The following PRDX1 variants were observed in gnomAD, a reference collection of about 807,000 sequenced individuals.
The protein encoded by PRDX1 is peroxiredoxin 1.
In PRDX1, 19 loss-of-function variants were observed where a neutral mutation model predicts 20.7. The ratio of observed to expected loss-of-function variants is 0.92; its 90% CI spans 0.64 to 1.35. The LOEUF is 1.35. Ranked by LOEUF, PRDX1 falls within the 40% of genes most tolerant of loss-of-function variation. PRDX1 has a pLI of 0.00. For missense variants in PRDX1, 226 were observed against 240.0 expected (o/e 0.94, Z 0.38); for synonymous variants, 89 against 83.9 (o/e 1.06, Z -0.33).
chr1:45,522,417 A>G (rs1643922709), upstream of PRDX1, among the ~76,000 whole-genome samples: 1 of 152,206 alleles, frequency 6.6e-6, no homozygotes, highest in Non-Finnish European at 1.5e-5. Flanking sequence ...GGAAAATAAA[A>G]TATCAGGACT....
chr1:45,513,997 T>G (rs982225969), intron 5 of PRDX1, among the ~76,000 whole-genome samples: 2 of 152,226 alleles, frequency 1.3e-5, no homozygotes, highest in Non-Finnish European at 1.5e-5. Flanking sequence ...GGAAGGCATC[T>G]GTCTCCAGCC....
chr1:45,516,602 T>G (rs1643864064), intron 2 of PRDX1, among the ~76,000 whole-genome samples: 1 of 152,152 alleles, frequency 6.6e-6, no homozygotes. Context: ...ACCACTGAAA[T>G]AACAGATCTT....
At chr1:45,522,866 C>A (rs887344790), upstream of PRDX1, 1 of 152,204 alleles carries the variant, frequency 6.6e-6, no homozygotes, top group Non-Finnish European at 1.5e-5. Flanking sequence ...CGCCTCACCT[C>A]CGGAGTGTCT....
chr1:45,515,547 G>A lies in PRDX1; in HGVS notation c.260+107C>T, dbSNP rs546983323. 2.9e-4 allele frequency: 332 copies of A among 1,151,484 alleles called. 3 individuals are homozygous for A. The East Asian group carries it at 7.4e-3, about 26-fold the overall frequency. The allele number at this position is 1,151,484 out of a possible 1,614,324, so 71.3% of individuals were successfully genotyped here. ...CTGGGAGGCAGAGCTTGAAGTGAGC[G>A]GAGATCACACCACTGCACTCCAGCC... is the stretch of plus-strand genomic sequence containing the variant. On this transcript the variant is annotated intron_variant, in intron 3 of 5. Transcript: ENST00000319248.
intron 5 of PRDX1, chr1:45,513,342 G>C (rs1643791865): frequency 6.6e-6 from 1 of 152,242 alleles, no homozygotes; most frequent in Non-Finnish European, 1.5e-5. Context: ...GGACAGAAGA[G>C]AGGAGTATGT....
Position 45,521,205 on chromosome 1 carries a change from G to A in PRDX1, c.-12+624C>T, listed in dbSNP as rs566520512. On this transcript the variant is annotated intron_variant, in intron 1 of 5. Coordinates refer to ENST00000319248, the MANE Select transcript of PRDX1 (RefSeq NM_181697.3). ...GGCTGCTGGGATTCAGGCCGCCACCGGGCCCCTTCAGGGGATCTGCCCAGC... is the reference window on the plus strand; with the variant it reads ...GGCTGCTGGGATTCAGGCCGCCACCAGGCCCCTTCAGGGGATCTGCCCAGC... Among the ~76,000 whole-genome samples the A allele has an allele frequency of 5.9e-5, 9 of 152,170 alleles. No homozygotes were observed. The South Asian group carries it at 1.2e-3, about 21-fold the overall frequency.
intron 5 of PRDX1, chr1:45,511,660 C>A: frequency 1.5e-5 from 5 of 339,748 alleles, no homozygotes; most frequent in Admixed American, 4.8e-5. Flanking sequence ...AAATTTTCCA[C>A]AAAAAAAGGC....
At chr1:45,514,818 G>T (rs1035706442) in intron 4 of PRDX1, 55 bp downstream of exon 4, 4 of 1,609,546 alleles carry the variant, frequency 2.5e-6, no homozygotes, top group Non-Finnish European at 3.4e-6. Context: ...CAGGGCTCTA[G>T]ATCTCTCCAA....
chr1:45,511,516 G>A, intron 5 of PRDX1, 102 bp from the exon 6 acceptor site: 1 of 867,012 alleles, frequency 1.2e-6, no homozygotes, highest in South Asian at 1.8e-5. Flanking sequence ...TCAGATACCA[G>A]GAAACCTACC....
In PRDX1 at chr1:45,519,051, T is replaced by C. The variant is rs765467064; in HGVS notation, c.-8A>G. 1 of 1,558,022 alleles carries C rather than the reference T, an allele frequency of 6.4e-7. No homozygotes were observed. Among genetic ancestry groups the C allele is most frequent in the East Asian group, 2.3e-5 (1 of 44,286 alleles). ...AGCATTTCCTGAAGACATCTTCCTA[T>C]CAGCTAGAAATAACAGAAATGAATT... On this transcript the variant is annotated 5_prime_UTR_variant, in exon 2 of 6. Coordinates refer to ENST00000319248, the MANE Select transcript of PRDX1 (RefSeq NM_181697.3).
chr1:45,520,980 A>C (rs1400020614), intron 1 of PRDX1, among the ~76,000 whole-genome samples: 2 of 152,198 alleles, frequency 1.3e-5, no homozygotes, highest in Non-Finnish European at 2.9e-5. Context: ...TCACAATACC[A>C]CAAGCAAAAG....
chr1:45,521,385 C>T (rs760764399), intron 1 of PRDX1, among the ~76,000 whole-genome samples: 15 of 152,184 alleles, frequency 9.9e-5, no homozygotes, highest in Non-Finnish European at 2.1e-4. Flanking sequence ...GGAAAGGGTA[C>T]CCGAAGCTCC....
chr1:45,511,223 C>G lies in PRDX1; in HGVS notation c.*106G>C. ...GCCTGCCTTGTAAGACACCACAATT[C>G]GGCTGAATCTGAAGTCTTGTGTTTT... is the stretch of plus-strand genomic sequence containing the variant. On this transcript the variant is annotated 3_prime_UTR_variant, in exon 6 of 6. Coordinates refer to ENST00000319248, the MANE Select transcript of PRDX1 (RefSeq NM_181697.3). The G allele has an allele frequency of 1.0e-6, 1 of 960,182 alleles. No individual in the cohort carries two copies. Among genetic ancestry groups the G allele is most frequent in the Admixed American group, 2.4e-5 (1 of 41,738 alleles). 59.5% of individuals were successfully genotyped at this position (960,182 alleles called of 1,614,324 possible). A position where few individuals can be genotyped will look rare whatever the true frequency, so the allele number is the denominator to read the frequency against.
rs1193699888 is a variant in PRDX1, at chr1:45,519,018, C to A, written c.26G>T (p.Gly9Val). The A allele has an allele frequency of 1.0e-5, 16 of 1,595,594 alleles. No homozygotes were observed. Among genetic ancestry groups the A allele is most frequent in the Middle Eastern group, 1.7e-4 (1 of 6,032 alleles). Reference sequence around the variant, plus strand: ...GGCTTTGAAGTTGGGGGCAGGGTGCCCAATTTTAGCATTTCCTGAAGACAT... The same window carrying A: ...GGCTTTGAAGTTGGGGGCAGGGTGCACAATTTTAGCATTTCCTGAAGACAT... MSSGNAKI[G>V]HPAPNFKATA... Residue 9 changes from glycine (G) to valine (V), a missense_variant, in exon 2 of 6, where the codon GGG becomes GTG. Transcript: ENST00000319248.
At chr1:45,518,879 A>G in intron 2 of PRDX1, 59 bp downstream of exon 2, 1 of 1,398,854 alleles carries the variant, frequency 7.1e-7, no homozygotes. Context: ...AAATCTAACA[A>G]GCCACCCCTA....
At chr1:45,514,742 A>G in intron 4 of PRDX1, 105 bp from the exon 5 acceptor site, 2 of 1,570,444 alleles carry the variant, frequency 1.3e-6, no homozygotes, top group Non-Finnish European at 1.7e-6. Flanking sequence ...CCACACTCCT[A>G]CTGGCCTGGC....
chr1:45,516,211 G>A (rs944800858), intron 2 of PRDX1, among the ~76,000 whole-genome samples: 2 of 152,272 alleles, frequency 1.3e-5, no homozygotes, highest in East Asian at 1.9e-4. Context: ...CTCCTCTGCT[G>A]TAGAGATAAG....
chr1:45,516,741 GGCTGAC>G (rs1277688962), intron 2 of PRDX1, among the ~76,000 whole-genome samples: 4 of 152,154 alleles, frequency 2.6e-5, no homozygotes, highest in African/African-American at 9.7e-5. Flanking sequence ...GTGGCATGGT[GGCTGAC>G]GTCTGTAATC....
chr1:45,515,948 G>C (rs1643855372), intron 2 of PRDX1, 141 bp from the exon 3 acceptor site: 3 of 781,266 alleles, frequency 3.8e-6, no homozygotes, highest in Non-Finnish European at 5.6e-6. Context: ...TCTCCTAGAA[G>C]CTACTTTTAG....
Sources: allele counts gnomAD v4.1 joint callset (sites outside exome capture counted in the v4.1 genomes callset), GRCh38; gene constraint gnomAD v4.1.1; transcripts MANE v1.5; gene names NCBI Gene and HGNC (gene_info 2026-07-23, HGNC 2026-07-21).